The following ADGRB3 variants were observed in gnomAD, a reference collection of about 807,000 sequenced individuals.
ADGRB3 encodes the protein brain-specific angiogenesis inhibitor 3.
Under a neutral mutation model 193.4 loss-of-function variants are expected in ADGRB3, and 37 were observed. The ratio of observed to expected loss-of-function variants is 0.19; its 90% CI spans 0.15 to 0.25. The LOEUF (loss-of-function observed/expected upper bound fraction) is 0.25. Among genes scored for constraint, ADGRB3 ranks in the 10% least tolerant of loss-of-function variants. The probability of loss-of-function intolerance (pLI) is 1.00; values close to 1 mark genes in which losing one functional copy is unlikely to be tolerated. For synonymous variants in ADGRB3, 690 were observed against 644.2 expected (o/e 1.07, Z -1.08); for missense variants, 1,637 against 1,852.9 (o/e 0.88, Z 2.14).
At chr6:68,839,073 C>T (rs1768099483) in intron 3 of ADGRB3, among the ~76,000 whole-genome samples, 1 of 130,502 alleles carries the variant, frequency 7.7e-6, no homozygotes, top group African/African-American at 3.2e-5. Context: ...CTCTCTCTGT[C>T]TCTCTGTCAC....
chr6:68,998,230 G>T (rs1769449882), intron 11 of ADGRB3, among the ~76,000 whole-genome samples: 1 of 152,128 alleles, frequency 6.6e-6, no homozygotes, highest in Non-Finnish European at 1.5e-5. Context: ...AAAATCACAT[G>T]AGCCACTGCA....
At chr6:69,237,291 A>C (rs771196372) in intron 19 of ADGRB3, among the ~76,000 whole-genome samples, 5 of 151,996 alleles carry the variant, frequency 3.3e-5, no homozygotes, top group African/African-American at 4.8e-5. Context: ...AAGGAGTTGT[A>C]ATGTGTACAA....
intron 3 of ADGRB3, among the ~76,000 whole-genome samples, chr6:68,930,233 A>G (rs1275996590): frequency 1.3e-5 from 2 of 152,092 alleles, no homozygotes; most frequent in Non-Finnish European, 2.9e-5. Context: ...CTCTAAAAAA[A>G]CAACAGTTAA....
intron 20 of ADGRB3, among the ~76,000 whole-genome samples, chr6:69,260,282 C>T (rs1224990270): frequency 1.3e-5 from 2 of 152,096 alleles, no homozygotes; most frequent in Non-Finnish European, 2.9e-5. Flanking sequence ...AACCTATATA[C>T]TTTCATACAT....
chr6:69,224,767 T>G (rs988350757), intron 17 of ADGRB3, among the ~76,000 whole-genome samples: 1 of 152,180 alleles, frequency 6.6e-6, no homozygotes, highest in South Asian at 2.1e-4. Context: ...TGTCTGTTTT[T>G]TAAAATGTCT....
intron 3 of ADGRB3, among the ~76,000 whole-genome samples, chr6:68,807,430 C>A (rs1198731445): frequency 6.6e-6 from 1 of 151,462 alleles, no homozygotes; most frequent in Non-Finnish European, 1.5e-5. Context: ...TTAGTAGAGA[C>A]GGGGTTTCAC....
chr6:68,991,572 A>G (rs541418108), intron 10 of ADGRB3, among the ~76,000 whole-genome samples: 3 of 146,440 alleles, frequency 2.0e-5, no homozygotes, highest in Non-Finnish European at 4.6e-5. Flanking sequence ...CGCTCCCACA[A>G]AAAAAAAAAA....
intron 17 of ADGRB3, among the ~76,000 whole-genome samples, chr6:69,102,297 G>C (rs1375327888): frequency 1.3e-5 from 2 of 152,086 alleles, no homozygotes; most frequent in East Asian, 3.9e-4. Flanking sequence ...CTAGAAAAGT[G>C]AGCCCAAGCA....
At position 69,163,637 on chromosome 6, in the gene ADGRB3, T is replaced by G. The variant is rs983984188; in HGVS notation, c.2481-69653T>G. Among the ~76,000 whole-genome samples the G allele has an allele frequency of 2.6e-5, 4 of 152,098 alleles. 1 individual carries two copies. ...GCCCAGGTGAAATAGGATGGGCAGG[T>G]AGGTGCCAGTCACCAAGATTTTCTA... On this transcript the variant is annotated intron_variant, in intron 17 of 31. Transcript: ENST00000370598.
chr6:68,921,367 C>A (rs1325407109), intron 3 of ADGRB3, among the ~76,000 whole-genome samples: 2 of 151,952 alleles, frequency 1.3e-5, no homozygotes, highest in African/African-American at 4.8e-5. Context: ...TAATATCAGA[C>A]AAAATTGGAG....
At chr6:69,030,857 C>G (rs2150292779) in intron 13 of ADGRB3, among the ~76,000 whole-genome samples, 1 of 151,894 alleles carries the variant, frequency 6.6e-6, no homozygotes, top group East Asian at 1.9e-4. Context: ...CTCTTCTCTT[C>G]TCTCTCTGTC....
chr6:68,802,180 A>ATG (rs1554196937), intron 3 of ADGRB3, among the ~76,000 whole-genome samples: 1 of 146,528 alleles, frequency 6.8e-6, no homozygotes, highest in African/African-American at 2.7e-5. Context: ...AAATGCACAT[A>ATG]TGCGTGTGTG....
intron 11 of ADGRB3, 147 bp downstream of exon 11, chr6:68,994,109 C>T: frequency 1.3e-6 from 1 of 743,166 alleles, no homozygotes; most frequent in Non-Finnish European, 2.1e-6. Flanking sequence ...TGGAAATGAC[C>T]TCAGTTCCCT....
intron 3 of ADGRB3, among the ~76,000 whole-genome samples, chr6:68,829,106 T>C (rs1767905565): frequency 7.1e-6 from 1 of 140,698 alleles, no homozygotes; most frequent in Non-Finnish European, 1.5e-5. Context: ...TTTTTTTTTT[T>C]TTTTTTTTTT....
intron 20 of ADGRB3, among the ~76,000 whole-genome samples, chr6:69,318,429 T>A (rs1353389709): frequency 6.6e-6 from 1 of 151,432 alleles, no homozygotes; most frequent in Non-Finnish European, 1.5e-5. Flanking sequence ...GGACCCACTC[T>A]GATTTGATAC....
chr6:68,660,528 T>TGATTCAGAGCC (rs1392425090), intron 3 of ADGRB3, among the ~76,000 whole-genome samples: 60 of 151,192 alleles, frequency 4.0e-4, no homozygotes, highest in African/African-American at 1.4e-3. Flanking sequence ...AAGGTACAAA[T>TGATTCAGAGCC]GATTCAGAGC....
intron 16 of ADGRB3, among the ~76,000 whole-genome samples, chr6:69,073,285 A>C (rs1008602790): frequency 6.6e-6 from 1 of 152,098 alleles, no homozygotes; most frequent in East Asian, 1.9e-4. Context: ...AGCTGCAGGG[A>C]GGTAAGAAGT....
At chr6:68,865,450 C>T (rs2150216746) in intron 3 of ADGRB3, among the ~76,000 whole-genome samples, 1 of 152,206 alleles carries the variant, frequency 6.6e-6, no homozygotes, top group East Asian at 1.9e-4. Flanking sequence ...AAGAAGAAAT[C>T]CTGATTCTCT....
chr6:69,268,543 C>T (rs1767099328), intron 20 of ADGRB3, among the ~76,000 whole-genome samples: 1 of 151,832 alleles, frequency 6.6e-6, no homozygotes, highest in Non-Finnish European at 1.5e-5. Flanking sequence ...CTTTCAGGCT[C>T]CTAGGGCATT....
Sources: allele counts gnomAD v4.1 joint callset (sites outside exome capture counted in the v4.1 genomes callset), GRCh38; gene constraint gnomAD v4.1.1; transcripts MANE v1.5; gene names NCBI Gene and HGNC (gene_info 2026-07-23, HGNC 2026-07-21).